The following SV2C variants were observed in gnomAD, a reference collection of about 807,000 sequenced individuals.
The protein encoded by SV2C is solute carrier family 22 member B3.
A neutral mutation model predicts 79.7 loss-of-function variants in SV2C; 49 were observed. The ratio of observed to expected loss-of-function variants is 0.61; its 90% CI spans 0.49 to 0.78. The LOEUF (loss-of-function observed/expected upper bound fraction) is 0.78. Ranked by LOEUF, SV2C falls within the 30% of genes least tolerant of loss-of-function variation. SV2C has a pLI of 0.00. For synonymous variants in SV2C, 334 were observed against 333.2 expected (o/e 1.00, Z -0.03); for missense variants, 833 against 912.9 (o/e 0.91, Z 1.13).
At chr5:76,193,040 G>A (rs577389626) in intron 2 of SV2C, among the ~76,000 whole-genome samples, 3 of 152,158 alleles carry the variant, frequency 2.0e-5, no homozygotes, top group South Asian at 4.2e-4. Flanking sequence ...ACTGCTGTTC[G>A]GGTGCACACC....
the SV2C span, among the ~76,000 whole-genome samples, chr5:76,030,289 T>TTTTTTTTTTTTTTTTTTTTTTTTA: frequency 2.0e-4 from 24 of 117,912 alleles, no homozygotes; most frequent in Non-Finnish European, 2.7e-4. Flanking sequence ...TTTTTTTTTT[T>TTTTTTTTTTTTTTTTTTTTTTTTA]TTTATTTATT....
intron 3 of SV2C, among the ~76,000 whole-genome samples, chr5:76,200,795 A>T (rs1286280794): frequency 6.6e-6 from 1 of 152,078 alleles, no homozygotes; most frequent in Non-Finnish European, 1.5e-5. Flanking sequence ...GCATGCCACC[A>T]CACCCAGCTA....
the SV2C span, among the ~76,000 whole-genome samples, chr5:75,980,148 C>A: frequency 3.9e-5 from 6 of 152,160 alleles, no homozygotes; most frequent in African/African-American, 1.4e-4. Context: ...ACACATACAT[C>A]CTGCCAAAAC....
the SV2C span, among the ~76,000 whole-genome samples, chr5:76,074,834 G>A: frequency 3.3e-5 from 5 of 152,298 alleles, no homozygotes; most frequent in African/African-American, 1.2e-4. Flanking sequence ...TAGTAACTGT[G>A]CTAGAACCTT....
chr5:75,925,828 C>A, the SV2C span, among the ~76,000 whole-genome samples: 1 of 152,016 alleles, frequency 6.6e-6, no homozygotes, highest in South Asian at 2.1e-4. Flanking sequence ...TACCTCTATG[C>A]AGATTTTTAA....
chr5:76,178,384 C>A (rs7733832), intron 2 of SV2C, among the ~76,000 whole-genome samples: 70,359 of 151,962 alleles, frequency 0.46, 16,487 homozygotes, highest in East Asian at 0.63. Context: ...GAGTAAATTT[C>A]TTTTCTTTTT....
chr5:76,280,901 G>A, intron 4 of SV2C: 1 of 508,230 alleles, frequency 2.0e-6, no homozygotes, highest in South Asian at 1.4e-5. Context: ...ACAAGTGAGG[G>A]TCTGCTGTGT....
the SV2C span, among the ~76,000 whole-genome samples, chr5:75,888,971 C>A: frequency 6.6e-6 from 1 of 152,060 alleles, no homozygotes; most frequent in South Asian, 2.1e-4. Context: ...TCTTCTGAGG[C>A]CTCTCTCCTT....
chr5:76,084,797 C>G (rs547630857), intron 1 of SV2C, among the ~76,000 whole-genome samples: 46 of 151,230 alleles, frequency 3.0e-4, no homozygotes, highest in South Asian at 4.2e-4. Flanking sequence ...GCGCCTGGCG[C>G]GGAGAGCGGC....
intron 1 of SV2C, among the ~76,000 whole-genome samples, chr5:76,121,291 G>A (rs1748484998): frequency 6.6e-6 from 1 of 152,116 alleles, no homozygotes. Flanking sequence ...TGAGTAGGTT[G>A]CAAAAATTTT....
chr5:75,925,658 C>CA, the SV2C span, among the ~76,000 whole-genome samples: 2 of 152,016 alleles, frequency 1.3e-5, no homozygotes, highest in Non-Finnish European at 2.9e-5. Context: ...ATCGCAGTAT[C>CA]ATGGGGATGG....
chr5:76,010,882 G>A, the SV2C span, among the ~76,000 whole-genome samples: 17 of 152,162 alleles, frequency 1.1e-4, no homozygotes, highest in Non-Finnish European at 2.4e-4. Context: ...ATTTGGTGTA[G>A]ACTGCTAATC....
intron 2 of SV2C, among the ~76,000 whole-genome samples, chr5:76,179,656 A>G (rs1404307202): frequency 6.6e-6 from 1 of 152,182 alleles, no homozygotes; most frequent in Non-Finnish European, 1.5e-5. Context: ...CTTCATCACT[A>G]ATGACAAAAT....
At chr5:76,339,866 G>T (rs1749407078) in intron 12 of SV2C, among the ~76,000 whole-genome samples, 2 of 152,180 alleles carry the variant, frequency 1.3e-5, no homozygotes, top group Admixed American at 6.5e-5. Context: ...CTTGAATAGG[G>T]GCTGGGTAAA....
the SV2C span, among the ~76,000 whole-genome samples, chr5:75,863,866 A>G: frequency 6.6e-6 from 1 of 152,206 alleles, no homozygotes; most frequent in Non-Finnish European, 1.5e-5. Flanking sequence ...ATTCTGCTGA[A>G]TAAGTTTGTT....
At chr5:76,038,635 C>CTAAAAATAT in the SV2C span, among the ~76,000 whole-genome samples, 2 of 152,142 alleles carry the variant, frequency 1.3e-5, no homozygotes, top group Admixed American at 6.5e-5. Context: ...TCATTATTCA[C>CTAAAAATAT]TAAAAATATT....
chr5:76,108,470 A>G (rs1028558734), intron 1 of SV2C, among the ~76,000 whole-genome samples: 6 of 152,212 alleles, frequency 3.9e-5, no homozygotes, highest in African/African-American at 1.4e-4. Flanking sequence ...AGAGACATGC[A>G]CAACTTTTGC....
Position 76,248,775 on chromosome 5 carries a change from C to T in SV2C, c.914-36387C>T, listed in dbSNP as rs536979998. On this transcript the variant is annotated intron_variant, in intron 4 of 12. Coordinates refer to ENST00000502798, the MANE Select transcript of SV2C (RefSeq NM_014979.4). ...CTGGGATTACAAGCATGCACCACCA[C>T]GCCCAGCTAATTTTTGTATTTTTAG... Among the ~76,000 whole-genome samples, 34 of 152,190 alleles carry T rather than the reference C, an allele frequency of 2.2e-4. 1 individual carries two copies. The highest frequency in any genetic ancestry group is 5.3e-4 in the African/African-American group (22 of 41,530).
At chr5:76,248,906 A>G (rs1036972792) in intron 4 of SV2C, among the ~76,000 whole-genome samples, 27 of 152,304 alleles carry the variant, frequency 1.8e-4, no homozygotes, top group African/African-American at 6.5e-4. Flanking sequence ...CATGTGAGCC[A>G]CCACGCCTGG....
Sources: allele counts gnomAD v4.1 joint callset (sites outside exome capture counted in the v4.1 genomes callset), GRCh38; gene constraint gnomAD v4.1.1; transcripts MANE v1.5; gene names NCBI Gene and HGNC (gene_info 2026-07-23, HGNC 2026-07-21).